The following CACNA1I variants were observed in gnomAD, a reference collection of about 807,000 sequenced individuals.
CACNA1I encodes voltage-dependent T-type calcium channel subunit alpha-1I.
Under a neutral mutation model 201.6 loss-of-function variants are expected in CACNA1I, and 74 were observed. That is an observed-to-expected ratio of 0.37 (90% CI 0.30 to 0.45). The LOEUF (loss-of-function observed/expected upper bound fraction) is 0.45, where lower values mean the gene tolerates loss of function less well. Among genes scored for constraint, CACNA1I ranks in the 20% least tolerant of loss-of-function variants. CACNA1I has a pLI of 1.00. For synonymous variants in CACNA1I, 1,431 were observed against 1,345.2 expected (o/e 1.06, Z -1.40); for missense variants, 2,346 against 3,138.1 (o/e 0.75, Z 6.03).
At position 39,600,582 on chromosome 22, in the gene CACNA1I, G is replaced by T. The variant is rs1933003892; in HGVS notation, c.411G>T (p.Leu137=). 1 of 1,611,714 alleles carries T rather than the reference G, an allele frequency of 6.2e-7. No individual in the cohort carries two copies. The highest frequency in any genetic ancestry group is 1.3e-5 in the African/African-American group (1 of 74,848). ...AMEMVLKMVA[L]GIFGKKCYLG... ...AGATGGTGCTCAAGATGGTGGCCCTGGGGATTTTTGGCAAGAAGTGCTACC... is the reference window on the plus strand; with the variant it reads ...AGATGGTGCTCAAGATGGTGGCCCTTGGGATTTTTGGCAAGAAGTGCTACC... Residue 137 remains leucine (L), a synonymous_variant, in exon 3 of 37, where the codon CTG becomes CTT. Transcript: ENST00000402142.
intron 28 of CACNA1I, 131 bp downstream of exon 28, chr22:39,673,213 C>G: frequency 1.0e-6 from 1 of 993,150 alleles, no homozygotes; most frequent in Non-Finnish European, 1.5e-6. Context: ...ATGGTGGGCT[C>G]CTTGCTGAAC....
chr22:39,641,719 C>A (rs1934355526), intron 6 of CACNA1I, among the ~76,000 whole-genome samples: 1 of 152,232 alleles, frequency 6.6e-6, no homozygotes, highest in Admixed American at 6.5e-5. Context: ...GCACTAGCCT[C>A]ATGGCGTGCA....
intron 26 of CACNA1I, among the ~76,000 whole-genome samples, chr22:39,671,657 C>A (rs1303102014): frequency 6.6e-6 from 1 of 151,964 alleles, no homozygotes; most frequent in East Asian, 1.9e-4. Context: ...GAAATTAATA[C>A]CTTATTTCAA....
intron 1 of CACNA1I, among the ~76,000 whole-genome samples, chr22:39,585,167 C>T (rs5995751): frequency 2.0e-5 from 3 of 152,148 alleles, no homozygotes; most frequent in African/African-American, 7.2e-5. Context: ...TCAAGCGATT[C>T]TCCTGCCTCA....
In CACNA1I at chr22:39,598,137, G is replaced by T; in HGVS notation, c.237-14G>T. 1 of 1,552,648 alleles carries T rather than the reference G, an allele frequency of 6.4e-7. No individual in the cohort carries two copies. The highest frequency in any genetic ancestry group is 8.8e-7 in the Non-Finnish European group (1 of 1,136,382). ...CGATCCCACCTGCTGCTTTGTCCTTGACTTGGTGTGCACGTGGTTTGAATG... is the reference window on the plus strand; with the variant it reads ...CGATCCCACCTGCTGCTTTGTCCTTTACTTGGTGTGCACGTGGTTTGAATG... On this transcript the variant is annotated splice_polypyrimidine_tract_variant and intron_variant, in intron 1 of 36. Coordinates refer to ENST00000402142, the MANE Select transcript of CACNA1I (RefSeq NM_021096.4).
chr22:39,613,281 T>C (rs1433904229), intron 3 of CACNA1I, among the ~76,000 whole-genome samples: 1 of 152,148 alleles, frequency 6.6e-6, no homozygotes, highest in Non-Finnish European at 1.5e-5. Flanking sequence ...GGCTGGGCAC[T>C]GGGGACCCAG....
chr22:39,627,460 C>A (rs1933932138), intron 4 of CACNA1I, among the ~76,000 whole-genome samples: 1 of 152,254 alleles, frequency 6.6e-6, no homozygotes, highest in African/African-American at 2.4e-5. Context: ...GGGGGCCGGG[C>A]AGGATGGCAC....
rs1287159077 is a variant in CACNA1I at position 39,646,757 on chromosome 22, G to A, written c.1338G>A (p.Leu446=). ...TCTTCCAGTATGTCTGCCACATCCT[G>A]CGCAAGGCCAAGCGCCGCGCCCTGG... The part of the protein sequence containing the change: ...EEIFQYVCHI[L]RKAKRRALGL... Residue 446 remains leucine (L), a synonymous_variant, in exon 8 of 37, where the codon CTG becomes CTA. Transcript: ENST00000402142. 6.3e-7 allele frequency: 1 copy of A among 1,593,968 alleles called. No homozygotes were observed. Among genetic ancestry groups the A allele is most frequent in the East Asian group, 2.3e-5 (1 of 43,816 alleles).
chr22:39,653,134 C>T (rs136843), intron 10 of CACNA1I, among the ~76,000 whole-genome samples: 3,662 of 90,548 alleles, frequency 0.04, 3 homozygotes, highest in Middle Eastern at 0.067. Flanking sequence ...GTGCACGGAG[C>T]CCCCCACACA....
intron 4 of CACNA1I, among the ~76,000 whole-genome samples, chr22:39,620,730 T>TG (rs1340737691): frequency 2.7e-5 from 4 of 147,660 alleles, no homozygotes; most frequent in Admixed American, 6.9e-5. Context: ...CTGGTTTTTT[T>TG]TTGTTGTTGT....
At chr22:39,571,141 G>C in intron 1 of CACNA1I, 153 bp downstream of exon 1, 3 of 677,680 alleles carry the variant, frequency 4.4e-6, no homozygotes, top group Non-Finnish European at 7.9e-6. Context: ...GAGCTCAGAG[G>C]GTGGGTCTGG....
chr22:39,651,658 C>T (rs529892116), intron 10 of CACNA1I, among the ~76,000 whole-genome samples: 74 of 152,332 alleles, frequency 4.9e-4, no homozygotes, highest in African/African-American at 1.7e-3. Flanking sequence ...GGGGCCTGCA[C>T]AGCCCTGCTA....
At chr22:39,661,357 T>C in intron 16 of CACNA1I, 47 bp downstream of exon 16, 1 of 1,404,622 alleles carries the variant, frequency 7.1e-7, no homozygotes, top group Non-Finnish European at 9.5e-7. Context: ...TGCTGGGGTG[T>C]GTGTGGAGGG....
At chr22:39,607,714 C>T (rs1933258182) in intron 3 of CACNA1I, among the ~76,000 whole-genome samples, 1 of 152,228 alleles carries the variant, frequency 6.6e-6, no homozygotes, top group Non-Finnish European at 1.5e-5. Flanking sequence ...ATTGGCCAGG[C>T]ACTGTGGCTC....
chr22:39,572,987 C>G (rs1215570843), intron 1 of CACNA1I, among the ~76,000 whole-genome samples: 3 of 152,132 alleles, frequency 2.0e-5, no homozygotes, highest in Admixed American at 6.5e-5. Flanking sequence ...GAACTCCTGA[C>G]TCGTGAACCG....
intron 1 of CACNA1I, among the ~76,000 whole-genome samples, chr22:39,572,489 C>T (rs1453490799): frequency 6.6e-6 from 1 of 151,982 alleles, no homozygotes; most frequent in Admixed American, 6.6e-5. Context: ...TGATCGTGGG[C>T]CCTGGATCCC....
chr22:39,647,260 C>G (rs963796806), intron 8 of CACNA1I, among the ~76,000 whole-genome samples: 1 of 152,266 alleles, frequency 6.6e-6, no homozygotes, highest in South Asian at 2.1e-4. Context: ...ACTCCCTTCT[C>G]TGGGTTCCTG....
Position 39,686,069 on chromosome 22 carries a change from T to TGGCGCGGGCGGCGGG in CACNA1I, c.6346_6360dup (p.Gly2116_Gly2120dup). 2 of 1,227,044 alleles carry TGGCGCGGGCGGCGGG rather than the reference T, an allele frequency of 1.6e-6. No homozygotes were observed. The highest frequency in any genetic ancestry group is 2.0e-6 in the Non-Finnish European group (2 of 987,618). The allele number at this position is 1,227,044 out of a possible 1,614,324, so 76.0% of individuals were successfully genotyped here. A position where few individuals can be genotyped will look rare whatever the true frequency, so the allele number is the denominator to read the frequency against. On this transcript the variant is annotated inframe_insertion, in exon 37 of 37. Coordinates refer to ENST00000402142, the MANE Select transcript of CACNA1I (RefSeq NM_021096.4). ...ACCCCTCGGACGAGGAGGGCCGCGG[T>TGGCGCGGGCGGCGGG]GGCGCGGGCGGCGGGGGCGCGGGCA...
chr22:39,583,365 TATCCATCCATCC>T (rs61259535), intron 1 of CACNA1I, among the ~76,000 whole-genome samples: 8 of 145,178 alleles, frequency 5.5e-5, no homozygotes, highest in East Asian at 2.1e-4. Context: ...TCCAACCATC[TATCCATCCATCC>T]ATCCATCCAT....
Sources: allele counts gnomAD v4.1 joint callset (sites outside exome capture counted in the v4.1 genomes callset), GRCh38; gene constraint gnomAD v4.1.1; transcripts MANE v1.5; gene names NCBI Gene and HGNC (gene_info 2026-07-23, HGNC 2026-07-21).